Variants in ZHX2 observed in about 807,000 individuals in gnomAD.
ZHX2 encodes zinc fingers and homeoboxes protein 2.
ZHX2 carries 6 observed loss-of-function variants against 21.9 expected under a neutral mutation model. The observed-to-expected ratio is 0.27, with a 90% CI of 0.15 to 0.54. ZHX2 has a LOEUF of 0.54. Ranked by LOEUF, ZHX2 falls within the 20% of genes least tolerant of loss-of-function variation. The pLI, the probability that ZHX2 is intolerant of heterozygous loss-of-function variation, is 0.95. For missense variants in ZHX2, 908 were observed against 1,090.7 expected, an observed-to-expected ratio of 0.83 and a Z score of 2.36; for synonymous variants, 434 against 437.1, an observed-to-expected ratio of 0.99 and a Z score of 0.09.
chr8:122,852,907 G>A (rs1586328178), intron 1 of ZHX2, among the ~76,000 whole-genome samples: 1 of 152,174 alleles, frequency 6.6e-6, no homozygotes, highest in East Asian at 1.9e-4. Flanking sequence ...GTGGGCAAAG[G>A]AAAATGAAGC....
At position 122,817,415 on chromosome 8, in the gene ZHX2, G is replaced by A. The variant is rs533740302; in HGVS notation, c.-283+35469G>A. Among the ~76,000 whole-genome samples, 5 of 152,282 alleles carry A rather than the reference G, an allele frequency of 3.3e-5. No homozygotes were observed. In the East Asian group the frequency reaches 7.7e-4, roughly 24 times the overall value. On this transcript the variant is annotated intron_variant, in intron 1 of 3. Coordinates refer to ENST00000314393, the MANE Select transcript of ZHX2 (RefSeq NM_014943.5). ...GGCACTAGGAAGAGGAATGCATTGGGGAGCTTACCAGGCCAACTTGAAGAG... is the reference window on the plus strand; with the variant it reads ...GGCACTAGGAAGAGGAATGCATTGGAGAGCTTACCAGGCCAACTTGAAGAG...
intron 2 of ZHX2, among the ~76,000 whole-genome samples, chr8:122,915,491 T>G (rs1169923412): frequency 6.6e-6 from 1 of 152,210 alleles, no homozygotes; most frequent in Non-Finnish European, 1.5e-5. Context: ...TGGGAAATAG[T>G]AAATAAATAG....
At chr8:122,941,804 G>A (rs534041770) in intron 2 of ZHX2, among the ~76,000 whole-genome samples, 3 of 152,318 alleles carry the variant, frequency 2.0e-5, no homozygotes, top group South Asian at 2.1e-4. Flanking sequence ...CCGCAGTTGC[G>A]TGACTTCTGA....
intron 2 of ZHX2, among the ~76,000 whole-genome samples, chr8:122,871,356 T>G (rs1207849889): frequency 6.6e-6 from 1 of 151,888 alleles, no homozygotes; most frequent in African/African-American, 2.4e-5. Context: ...CCATAAAAAA[T>G]GATGAGTTCA....
chr8:122,910,648 G>T (rs1341938216), intron 2 of ZHX2, among the ~76,000 whole-genome samples: 2 of 152,086 alleles, frequency 1.3e-5, no homozygotes, highest in African/African-American at 4.8e-5. Context: ...TCAGGCACGG[G>T]GTTACTGGTG....
intron 1 of ZHX2, among the ~76,000 whole-genome samples, chr8:122,833,308 G>A (rs1818419275): frequency 6.6e-6 from 1 of 152,148 alleles, no homozygotes; most frequent in Admixed American, 6.5e-5. Context: ...TAGAATTGGT[G>A]TGTTAAAAGG....
chr8:122,842,410 A>C (rs11785435), intron 1 of ZHX2, among the ~76,000 whole-genome samples: 82,831 of 152,054 alleles, frequency 0.54, 22,598 homozygotes, highest in Middle Eastern at 0.67. Flanking sequence ...GAGCTTGTTA[A>C]AAAGCTGACT....
At chr8:122,908,986 G>T (rs1820413261) in intron 2 of ZHX2, among the ~76,000 whole-genome samples, 1 of 152,148 alleles carries the variant, frequency 6.6e-6, no homozygotes, top group Admixed American at 6.5e-5. Flanking sequence ...CCACCAGTTA[G>T]TTCTAACTTG....
rs572182210 is a variant in ZHX2, at chr8:122,888,702, C to T, written c.-220+25163C>T. ...TTCACCATGTTGGTCAGTCTGGTCT[C>T]GAACTCCTGACCTCAGGTAATCTGC... On this transcript the variant is annotated intron_variant, in intron 2 of 3. Transcript: ENST00000314393. Among the ~76,000 whole-genome samples the T allele has an allele frequency of 3.3e-5, 5 of 152,284 alleles. No individual in the cohort carries two copies. The South Asian group carries it at 6.2e-4, about 19-fold the overall frequency.
intron 2 of ZHX2, among the ~76,000 whole-genome samples, chr8:122,890,199 A>G (rs952790118): frequency 2.6e-5 from 4 of 152,164 alleles, no homozygotes; most frequent in Non-Finnish European, 5.9e-5. Flanking sequence ...TCCCAGCGCC[A>G]TTTATTGAAG....
chr8:122,966,548 A>G (rs1813590095), intron 3 of ZHX2, among the ~76,000 whole-genome samples: 1 of 152,166 alleles, frequency 6.6e-6, no homozygotes, highest in African/African-American at 2.4e-5. Context: ...GTTTTCCTTT[A>G]TAGGTTACCT....
intron 3 of ZHX2, among the ~76,000 whole-genome samples, chr8:122,969,770 G>A (rs1442555619): frequency 6.6e-6 from 1 of 152,114 alleles, no homozygotes; most frequent in Non-Finnish European, 1.5e-5. Flanking sequence ...CTCTCTCAGT[G>A]TTTGTTTTCC....
chr8:122,844,991 G>T (rs144187317), intron 1 of ZHX2, among the ~76,000 whole-genome samples: 1 of 152,146 alleles, frequency 6.6e-6, no homozygotes, highest in Non-Finnish European at 1.5e-5. Flanking sequence ...CTGCCCAACC[G>T]TATCATCCCT....
At chr8:122,820,554 G>GGGGATGGGGGAGATGCC (rs1423321905) in intron 1 of ZHX2, among the ~76,000 whole-genome samples, 7 of 152,366 alleles carry the variant, frequency 4.6e-5, no homozygotes, top group Middle Eastern at 3.4e-3. Flanking sequence ...AGCGGGAGCG[G>GGGGATGGGGGAGATGCC]GGGATGGGGG....
chr8:122,953,517 A>C lies in ZHX2; in HGVS notation c.2007A>C (p.Arg669=). The change falls in exon 3 of 4, where the codon CGA becomes CGC. Residue 669 remains arginine (R), a synonymous_variant. Transcript: ENST00000314393. The surrounding 1 kb of genome is among the most constrained non-coding windows in gnomAD (Gnocchi z 4.6). ...DQLAAKTGLV[R]TEIVRWFKEN... is the part of the protein sequence containing the mutation. ...TAGCGGCCAAGACTGGCCTGGTCCG[A>C]ACTGAGATTGTGCGTTGGTTCAAGG... The C allele has an allele frequency of 6.2e-7, 1 of 1,614,218 alleles. No individual in the cohort carries two copies. Among genetic ancestry groups the C allele is most frequent in the Non-Finnish European group, 8.5e-7 (1 of 1,180,050 alleles).
intron 1 of ZHX2, among the ~76,000 whole-genome samples, chr8:122,850,304 A>G (rs1047758033): frequency 6.6e-6 from 1 of 151,984 alleles, no homozygotes; most frequent in Non-Finnish European, 1.5e-5. Context: ...TACGTCAGTG[A>G]TGCTGCTTCT....
intron 2 of ZHX2, among the ~76,000 whole-genome samples, chr8:122,940,432 C>T (rs1812812966): frequency 1.3e-5 from 2 of 152,158 alleles, no homozygotes; most frequent in Admixed American, 1.3e-4. Flanking sequence ...GTTCTGACTG[C>T]CCTGTCTGAA....
At chr8:122,886,737 C>T (rs557952435) in intron 2 of ZHX2, among the ~76,000 whole-genome samples, 1 of 152,280 alleles carries the variant, frequency 6.6e-6, no homozygotes, top group African/African-American at 2.4e-5. Flanking sequence ...TAACTGAGTA[C>T]TTCCAAAGAG....
At chr8:122,803,922 C>T (rs969653547) in intron 1 of ZHX2, among the ~76,000 whole-genome samples, 3 of 152,118 alleles carry the variant, frequency 2.0e-5, no homozygotes, top group Non-Finnish European at 4.4e-5. Context: ...TGTCTCCCCA[C>T]AGAGGAGAAG....
Sources: allele counts gnomAD v4.1 joint callset (sites outside exome capture counted in the v4.1 genomes callset), GRCh38; gene constraint gnomAD v4.1.1; non-coding constraint Gnocchi (gnomAD v3.1); transcripts MANE v1.5; gene names NCBI Gene and HGNC (gene_info 2026-07-23, HGNC 2026-07-21).